PAX5: variants seen among roughly 807,000 people sequenced by gnomAD.
The protein encoded by PAX5 is paired box protein Pax-5.
A neutral mutation model predicts 43.7 loss-of-function variants in PAX5; 9 were observed. The ratio of observed to expected loss-of-function variants is 0.21; its 90% CI spans 0.12 to 0.36. The LOEUF (loss-of-function observed/expected upper bound fraction) is 0.36, where lower values mean the gene tolerates loss of function less well. Ranked by LOEUF, PAX5 falls within the 10% of genes least tolerant of loss-of-function variation. PAX5 has a pLI of 1.00. For synonymous variants in PAX5, 228 were observed against 214.3 expected, an observed-to-expected ratio of 1.06 and a Z score of -0.56; for missense variants, 383 against 532.7, an observed-to-expected ratio of 0.72 and a Z score of 2.77.
At chr9:36,986,953 G>A (rs1023605127) in intron 5 of PAX5, among the ~76,000 whole-genome samples, 2 of 152,350 alleles carry the variant, frequency 1.3e-5, no homozygotes, top group Middle Eastern at 3.4e-3. Context: ...GTGCCTGGGT[G>A]TCCAGAGGGA....
At chr9:36,869,655 C>T (rs776711410) in intron 8 of PAX5, among the ~76,000 whole-genome samples, 1 of 152,258 alleles carries the variant, frequency 6.6e-6, no homozygotes, top group Non-Finnish European at 1.5e-5. Context: ...GTTACCACAA[C>T]TGGCCCCCAT....
chr9:36,873,248 A>G (rs550544579), intron 8 of PAX5, among the ~76,000 whole-genome samples: 2 of 152,274 alleles, frequency 1.3e-5, no homozygotes, highest in Admixed American at 1.3e-4. Context: ...GGATTTTTTT[A>G]TATCCATCTC....
At chr9:37,021,181 A>G (rs1367278605) in intron 1 of PAX5, among the ~76,000 whole-genome samples, 2 of 152,268 alleles carry the variant, frequency 1.3e-5, no homozygotes, top group Admixed American at 6.5e-5. Context: ...ATTAAAATAC[A>G]TCATATTTAA....
At chr9:36,889,584 G>T (rs1291201550) in intron 7 of PAX5, among the ~76,000 whole-genome samples, 1 of 152,164 alleles carries the variant, frequency 6.6e-6, no homozygotes, top group Non-Finnish European at 1.5e-5. Context: ...CCAAACGGAG[G>T]CGTTCTGGCA....
chr9:36,936,831 C>A, intron 6 of PAX5, among the ~76,000 whole-genome samples: 1 of 65,700 alleles, frequency 1.5e-5, no homozygotes, highest in East Asian at 1.2e-3. Flanking sequence ...CACACACATG[C>A]ACACACACAC....
rs753233624 is a variant in PAX5 at position 36,839,910 on chromosome 9, G to C, written c.*650C>G. 2 of 234,716 alleles carry C rather than the reference G, an allele frequency of 8.5e-6. No individual in the cohort carries two copies. The highest frequency in any genetic ancestry group is 8.4e-6 in the Non-Finnish European group (1 of 119,032). The allele number at this position is 234,716 out of a possible 1,614,324, so 14.5% of individuals were successfully genotyped here. On this transcript the variant is annotated 3_prime_UTR_variant, in exon 10 of 10. Coordinates refer to ENST00000358127, the MANE Select transcript of PAX5 (RefSeq NM_016734.3). Reference sequence around the variant, plus strand: ...TCCTCTTGGAGAGGGGCCTCAGGGGGAGCCTGCAGCACAACCAGCCCAGTG... The same window carrying C: ...TCCTCTTGGAGAGGGGCCTCAGGGGCAGCCTGCAGCACAACCAGCCCAGTG...
At chr9:36,930,935 C>T (rs559954429) in intron 6 of PAX5, 16 of 890,268 alleles carry the variant, frequency 1.8e-5, no homozygotes, top group East Asian at 4.8e-5. Flanking sequence ...CTCATCAGCA[C>T]GGGGCACCAC....
In PAX5 at chr9:36,839,514, C is replaced by T. The variant is rs1821879836; in HGVS notation, c.*1046G>A. 4.3e-6 allele frequency: 1 copy of T among 233,304 alleles called. No individual in the cohort carries two copies. Among genetic ancestry groups the T allele is most frequent in the South Asian group, 1.8e-4 (1 of 5,536 alleles). 14.5% of individuals were successfully genotyped at this position (233,304 alleles called of 1,614,324 possible). On this transcript the variant is annotated 3_prime_UTR_variant, in exon 10 of 10. Coordinates refer to ENST00000358127, the MANE Select transcript of PAX5 (RefSeq NM_016734.3). ...CCTCTGTGTTAATTATTGTCTACATCACCGGAACAGGCTTGCCCAGAATCC... is the reference window on the plus strand; with the variant it reads ...CCTCTGTGTTAATTATTGTCTACATTACCGGAACAGGCTTGCCCAGAATCC...
intron 6 of PAX5, among the ~76,000 whole-genome samples, chr9:36,933,992 A>C (rs2132025515): frequency 6.6e-6 from 1 of 152,202 alleles, no homozygotes; most frequent in East Asian, 1.9e-4. Flanking sequence ...TCTCCTTGAT[A>C]TGGCCCCAGG....
intron 7 of PAX5, among the ~76,000 whole-genome samples, chr9:36,906,762 G>C (rs574234280): frequency 1.2e-4 from 18 of 152,150 alleles, no homozygotes; most frequent in African/African-American, 4.3e-4. Context: ...TTGTTTTCCC[G>C]AGCTCCAGAT....
intron 7 of PAX5, among the ~76,000 whole-genome samples, chr9:36,889,796 C>T (rs964888572): frequency 3.7e-4 from 56 of 152,350 alleles, no homozygotes; most frequent in African/African-American, 1.3e-3. Context: ...CTATGCTTCT[C>T]TTCGCATCAG....
chr9:36,995,759 G>C (rs552397905), intron 5 of PAX5, among the ~76,000 whole-genome samples: 1 of 152,176 alleles, frequency 6.6e-6, no homozygotes, highest in Non-Finnish European at 1.5e-5. Context: ...GGCCCTTCCA[G>C]CTCCCATGGG....
intron 3 of PAX5, among the ~76,000 whole-genome samples, chr9:37,013,371 T>C (rs1272572954): frequency 6.6e-6 from 1 of 152,170 alleles, no homozygotes; most frequent in Non-Finnish European, 1.5e-5. Context: ...GCATTAGATT[T>C]TGTGACCCCC....
intron 5 of PAX5, among the ~76,000 whole-genome samples, chr9:36,969,608 C>T (rs970808921): frequency 5.9e-5 from 9 of 152,374 alleles, no homozygotes; most frequent in African/African-American, 2.2e-4. Flanking sequence ...CCCCTCTCTG[C>T]AGTCTCCCCA....
At chr9:36,899,528 A>G (rs765897520) in intron 7 of PAX5, among the ~76,000 whole-genome samples, 3 of 152,146 alleles carry the variant, frequency 2.0e-5, no homozygotes, top group Non-Finnish European at 4.4e-5. Flanking sequence ...TTTTGTGCCC[A>G]TAAGGACAGG....
At chr9:36,906,862 C>T (rs941955638) in intron 7 of PAX5, among the ~76,000 whole-genome samples, 4 of 151,650 alleles carry the variant, frequency 2.6e-5, no homozygotes, top group African/African-American at 9.7e-5. Flanking sequence ...GTTCTATCCC[C>T]ATTTTATAGA....
chr9:36,847,627 C>A (rs752915628), intron 8 of PAX5, among the ~76,000 whole-genome samples: 3 of 152,322 alleles, frequency 2.0e-5, no homozygotes, highest in South Asian at 2.1e-4. Flanking sequence ...GGGGAGGGGG[C>A]AGCTGTTGGC....
At chr9:36,906,196 G>A (rs1003903745) in intron 7 of PAX5, among the ~76,000 whole-genome samples, 1 of 152,156 alleles carries the variant, frequency 6.6e-6, no homozygotes, top group African/African-American at 2.4e-5. Flanking sequence ...CCCAGAACCT[G>A]TGACTATGTG....
intron 5 of PAX5, among the ~76,000 whole-genome samples, chr9:36,992,603 A>G (rs1287155789): frequency 6.6e-6 from 1 of 152,222 alleles, no homozygotes; most frequent in Non-Finnish European, 1.5e-5. Context: ...AAGAAGCACT[A>G]CATACATATC....
Sources: gnomAD v4.1 joint callset for allele counts (sites outside exome capture counted in the v4.1 genomes callset) on GRCh38, gnomAD v4.1.1 for gene constraint, MANE v1.5 for transcripts, NCBI Gene and HGNC (gene_info 2026-07-23, HGNC 2026-07-21) for gene names.